The following R3HDML variants were observed in gnomAD, a reference collection of about 807,000 sequenced individuals.
R3HDML encodes R3H domain containing like.
A neutral mutation model predicts 24.2 loss-of-function variants in R3HDML; 21 were observed. The observed-to-expected ratio is 0.87, with a 90% CI of 0.62 to 1.25. The LOEUF (loss-of-function observed/expected upper bound fraction) is 1.25. Among genes scored for constraint, R3HDML ranks in the 50% most tolerant of loss-of-function variants. The pLI is 0.00. For missense variants in R3HDML, 301 were observed against 340.3 expected, an observed-to-expected ratio of 0.88 and a Z score of 0.91; for synonymous variants, 133 against 131.5, an observed-to-expected ratio of 1.01 and a Z score of -0.08.
chr20:44,339,519 T>TA (rs1202745743), intron 1 of R3HDML, among the ~76,000 whole-genome samples: 1 of 151,992 alleles, frequency 6.6e-6, no homozygotes, highest in Non-Finnish European at 1.5e-5. Context: ...TGATGGGGAA[T>TA]AATCACTAAG....
At chr20:44,341,343 C>A in intron 2 of R3HDML, 29 bp downstream of exon 2, 1 of 1,538,234 alleles carries the variant, frequency 6.5e-7, no homozygotes, top group Non-Finnish European at 9.0e-7. Flanking sequence ...TTCCTTCACT[C>A]AGTCATTCAA....
intron 4 of R3HDML, among the ~76,000 whole-genome samples, chr20:44,349,888 G>A (rs1305611784): frequency 2.0e-5 from 3 of 151,952 alleles, no homozygotes; most frequent in Non-Finnish European, 4.4e-5. Context: ...TGGCCAACAT[G>A]GTGAAACCCT....
At position 44,345,325 on chromosome 20, in the gene R3HDML, C is replaced by G. The variant is rs1457677366; in HGVS notation, c.576C>G (p.Val192=). 1 of 1,614,178 alleles carries G rather than the reference C, an allele frequency of 6.2e-7. No individual in the cohort carries two copies. The highest frequency in any genetic ancestry group is 1.3e-5 in the African/African-American group (1 of 75,046). ...TCCACACCTGTAGTAGCATCAGTGT[C>G]TGGGGCAACACCTGGCATCGGGCGG... ...CAIHTCSSIS[V]WGNTWHRAAY... Residue 192 remains valine (V), a synonymous_variant, in exon 4 of 5, where the codon GTC becomes GTG. Coordinates refer to ENST00000217043, the MANE Select transcript of R3HDML (RefSeq NM_178491.4).
At position 44,337,539 on chromosome 20, in the gene R3HDML, C is replaced by T. The variant is rs1215049092; in HGVS notation, c.261+121C>T. On this transcript the variant is annotated intron_variant, in intron 1 of 4. Coordinates refer to ENST00000217043, the MANE Select transcript of R3HDML (RefSeq NM_178491.4). This position sits in a 1 kb window ranked among gnomAD's most constrained non-coding sequence, Gnocchi z 4.7. ...TGGACCACTTGCCTGCCTGGCCCCA[C>T]TAGCCAGTATCTGGGTGTCGACCTG... is the stretch of plus-strand genomic sequence containing the variant. 2.8e-6 allele frequency: 3 copies of T among 1,084,880 alleles called. No individual in the cohort carries two copies. Among genetic ancestry groups the T allele is most frequent in the Non-Finnish European group, 1.3e-6 (1 of 748,830 alleles). 67.2% of individuals were successfully genotyped at this position (1,084,880 alleles called of 1,614,324 possible). A position where few individuals can be genotyped will look rare whatever the true frequency, so the allele number is the denominator to read the frequency against.
At chr20:44,340,426 A>G (rs1378578766) in intron 1 of R3HDML, among the ~76,000 whole-genome samples, 1 of 152,218 alleles carries the variant, frequency 6.6e-6, no homozygotes, top group Non-Finnish European at 1.5e-5. Context: ...GCATATTTTC[A>G]CGATTTAAAA....
At chr20:44,341,345 G>T (rs927857820) in intron 2 of R3HDML, 31 bp downstream of exon 2, 1 of 1,521,248 alleles carries the variant, frequency 6.6e-7, no homozygotes, top group East Asian at 2.3e-5. Flanking sequence ...CCTTCACTCA[G>T]TCATTCAACA....
intron 4 of R3HDML, among the ~76,000 whole-genome samples, chr20:44,349,268 G>A (rs1396213579): frequency 1.3e-5 from 2 of 152,020 alleles, no homozygotes; most frequent in African/African-American, 2.4e-5. Flanking sequence ...TAAACTCTTG[G>A]GCATGGGAAA....
At chr20:44,339,073 A>AG (rs910706875) in intron 1 of R3HDML, among the ~76,000 whole-genome samples, 1 of 151,464 alleles carries the variant, frequency 6.6e-6, no homozygotes, top group African/African-American at 2.4e-5. Flanking sequence ...AAAAAAAAAA[A>AG]AAAAAAAAAA....
At chr20:44,345,810 A>ATTTT (rs545044142) in intron 4 of R3HDML, among the ~76,000 whole-genome samples, 1 of 141,866 alleles carries the variant, frequency 7.0e-6, no homozygotes, top group Non-Finnish European at 1.6e-5. Flanking sequence ...TTAATAATCC[A>ATTTT]TTTTTTCTTT....
Position 44,350,489 on chromosome 20 carries a change from A to AAAATAAATAAATAAATAAATAAATAAAT in R3HDML, c.630-148_630-147insTAAATAAATAAATAAATAAATAAATAAA, listed in dbSNP as rs141709514. The AAAATAAATAAATAAATAAATAAATAAAT allele has an allele frequency of 1.0e-4, 55 of 542,498 alleles. No homozygotes were observed. The African/African-American group carries it at 1.0e-3, about 10-fold the overall frequency. 33.6% of individuals were successfully genotyped at this position (542,498 alleles called of 1,614,324 possible). ...TGAGCTATGGGTGACAGAGCAAAAC[A>AAAATAAATAAATAAATAAATAAATAAAT]AAATAAATAAATAAATAAATAAAGG... On this transcript the variant is annotated intron_variant, in intron 4 of 4. Transcript: ENST00000217043.
chr20:44,341,367 A>G, intron 2 of R3HDML, 53 bp downstream of exon 2: 1 of 1,401,370 alleles, frequency 7.1e-7, no homozygotes, highest in Non-Finnish European at 1.0e-6. Flanking sequence ...ATACTCATTG[A>G]ACACTTACTC....
chr20:44,338,466 G>A (rs934523183), intron 1 of R3HDML, among the ~76,000 whole-genome samples: 4 of 152,170 alleles, frequency 2.6e-5, no homozygotes, highest in African/African-American at 7.2e-5. Flanking sequence ...TGGGAGGGGC[G>A]GGAATAAGAG....
rs753431823 is a variant in R3HDML, at chr20:44,337,441, C to A, written c.261+23C>A. On this transcript the variant is annotated intron_variant, in intron 1 of 4. Coordinates refer to ENST00000217043, the MANE Select transcript of R3HDML (RefSeq NM_178491.4). The surrounding 1 kb of genome is among the most constrained non-coding windows in gnomAD (Gnocchi z 4.7). ...ATGGTGAGTCCCCGTACCTGCCCCC[C>A]ACCCCCCGCAGTGTCCCTTCCGGCA... The A allele has an allele frequency of 3.2e-5, 51 of 1,601,016 alleles. No homozygotes were observed. The highest frequency in any genetic ancestry group is 4.3e-5 in the Non-Finnish European group (50 of 1,170,196).
intron 3 of R3HDML, among the ~76,000 whole-genome samples, 172 bp downstream of exon 3, chr20:44,343,681 T>G (rs2146110746): frequency 6.6e-6 from 1 of 152,264 alleles, no homozygotes. Context: ...AGGTGAATCT[T>G]TTTTGTTTTT....
intron 1 of R3HDML, among the ~76,000 whole-genome samples, chr20:44,339,922 G>T (rs941099315): frequency 2.0e-5 from 3 of 151,934 alleles, no homozygotes; most frequent in African/African-American, 7.3e-5. Context: ...GGGACCACAG[G>T]TACACACCAC....
At chr20:44,346,014 T>C (rs2062785984) in intron 4 of R3HDML, among the ~76,000 whole-genome samples, 1 of 152,082 alleles carries the variant, frequency 6.6e-6, no homozygotes, top group African/African-American at 2.4e-5. Flanking sequence ...GAGACAAGGT[T>C]TCGCCATGTT....
At position 44,337,125 on chromosome 20, in the gene R3HDML, C is replaced by T. The variant is rs368367015; in HGVS notation, c.-33C>T. The T allele has an allele frequency of 1.3e-6, 2 of 1,593,324 alleles. No homozygotes were observed. The highest frequency in any genetic ancestry group is 1.7e-6 in the Non-Finnish European group (2 of 1,167,104). On this transcript the variant is annotated 5_prime_UTR_variant, in exon 1 of 5. Coordinates refer to ENST00000217043, the MANE Select transcript of R3HDML (RefSeq NM_178491.4). This position sits in a 1 kb window ranked among gnomAD's most constrained non-coding sequence, Gnocchi z 4.7. Reference sequence around the variant, plus strand: ...CCTTCCAGGCAGCCGGCTCTGATTGCACAAGGCAGACCTGTGACTCCTCCA... The same window carrying T: ...CCTTCCAGGCAGCCGGCTCTGATTGTACAAGGCAGACCTGTGACTCCTCCA...
intron 3 of R3HDML, among the ~76,000 whole-genome samples, chr20:44,344,511 G>A (rs2062780799): frequency 6.6e-6 from 1 of 152,168 alleles, no homozygotes; most frequent in East Asian, 1.9e-4. Flanking sequence ...GCCAGGTGCA[G>A]TGGCTCATGC....
At chr20:44,342,888 A>G (rs1047644503) in intron 2 of R3HDML, among the ~76,000 whole-genome samples, 6 of 152,150 alleles carry the variant, frequency 3.9e-5, no homozygotes, top group African/African-American at 4.8e-5. Flanking sequence ...CAGAAGGCAG[A>G]AGCTGTAGTG....
Sources: allele counts gnomAD v4.1 joint callset (sites outside exome capture counted in the v4.1 genomes callset), GRCh38; gene constraint gnomAD v4.1.1; non-coding constraint Gnocchi (gnomAD v3.1); transcripts MANE v1.5; gene names NCBI Gene and HGNC (gene_info 2026-07-23, HGNC 2026-07-21).